The following TAFA1 variants were observed in gnomAD, a reference collection of about 807,000 sequenced individuals.
The protein encoded by TAFA1 is chemokine-like protein TAFA-1.
In TAFA1, 4 loss-of-function variants were observed where a neutral mutation model predicts 18.5. That is an observed-to-expected ratio of 0.22 (90% CI 0.11 to 0.49). The LOEUF (loss-of-function observed/expected upper bound fraction) is 0.49, where lower values mean the gene tolerates loss of function less well. TAFA1 is among the 20% of genes least tolerant of loss of function. The pLI is 0.98. For synonymous variants in TAFA1, 56 were observed against 55.2 expected (o/e 1.01, Z -0.06); for missense variants, 147 against 169.0 (o/e 0.87, Z 0.72).
At chr3:68,326,087 G>A (rs904862649) in intron 2 of TAFA1, among the ~76,000 whole-genome samples, 9 of 152,124 alleles carry the variant, frequency 5.9e-5, no homozygotes, top group Non-Finnish European at 1.3e-4. Flanking sequence ...GCAATTTAAA[G>A]GAAATATTAG....
rs2070656413 is a variant in TAFA1, at chr3:68,408,642, CT to C, written c.119-8635del. 5.9e-5 allele frequency among the ~76,000 whole-genome samples: 9 copies of C among 152,046 alleles called. No homozygotes were observed. In the South Asian group the frequency reaches 1.9e-3, roughly 32 times the overall value. On this transcript the variant is annotated intron_variant, in intron 2 of 4. Transcript: ENST00000478136. ...CTCTCTTTCTTTCCTTCCTTCCTTC[CT>C]TTCATTATTCAGTCATTTAATCATT...
chr3:68,307,683 GA>G (rs1223024079), intron 2 of TAFA1, among the ~76,000 whole-genome samples: 6 of 152,112 alleles, frequency 3.9e-5, no homozygotes, highest in African/African-American at 1.4e-4. Context: ...CAAGGCACTT[GA>G]AAAAACTGGA....
the TAFA1 span, among the ~76,000 whole-genome samples, chr3:67,996,730 C>G: frequency 6.6e-6 from 1 of 151,520 alleles, no homozygotes; most frequent in Non-Finnish European, 1.5e-5. Flanking sequence ...ACTTGGGAGG[C>G]AGAGGTTGCA....
At chr3:68,320,980 C>T (rs954242143) in intron 2 of TAFA1, among the ~76,000 whole-genome samples, 4 of 152,238 alleles carry the variant, frequency 2.6e-5, no homozygotes, top group Non-Finnish European at 4.4e-5. Context: ...ACAGAGTAGA[C>T]GTTTCCACTT....
intron 3 of TAFA1, among the ~76,000 whole-genome samples, chr3:68,427,838 A>T (rs567073823): frequency 2.0e-5 from 3 of 152,046 alleles, no homozygotes; most frequent in African/African-American, 7.2e-5. Context: ...GTGATAGTGA[A>T]TAAGTCTCAT....
At chr3:68,464,269 T>C (rs2071840415) in intron 3 of TAFA1, among the ~76,000 whole-genome samples, 1 of 152,110 alleles carries the variant, frequency 6.6e-6, no homozygotes, top group Admixed American at 6.6e-5. Flanking sequence ...GGACAGTGAA[T>C]GAAAATGCAA....
At chr3:68,289,601 A>G in intron 2 of TAFA1, among the ~76,000 whole-genome samples, 1 of 143,870 alleles carries the variant, frequency 7.0e-6, no homozygotes, top group Non-Finnish European at 1.6e-5. Flanking sequence ...AGGAACATTT[A>G]GAATGTTCTG....
intron 3 of TAFA1, among the ~76,000 whole-genome samples, chr3:68,485,238 T>C (rs919460787): frequency 2.0e-5 from 3 of 152,198 alleles, no homozygotes; most frequent in Admixed American, 6.5e-5. Flanking sequence ...AGGGTAAATG[T>C]TGTCAACCTG....
chr3:68,493,310 A>C (rs974351369), intron 3 of TAFA1, among the ~76,000 whole-genome samples: 14 of 152,124 alleles, frequency 9.2e-5, no homozygotes, highest in Admixed American at 8.5e-4. Context: ...ATGTTGCGGC[A>C]TGGGTTGGAA....
chr3:68,131,691 G>T (rs1575635060), intron 2 of TAFA1, among the ~76,000 whole-genome samples: 1 of 152,210 alleles, frequency 6.6e-6, no homozygotes, highest in Non-Finnish European at 1.5e-5. Context: ...ACAGCCATCA[G>T]CGTTCAAGGC....
At chr3:68,421,648 A>T (rs1481637736) in intron 3 of TAFA1, among the ~76,000 whole-genome samples, 1 of 152,066 alleles carries the variant, frequency 6.6e-6, no homozygotes, top group East Asian at 1.9e-4. Context: ...CAGTTTGCTC[A>T]TCTGTAAAAT....
Position 68,099,655 on chromosome 3 carries a change from C to G in TAFA1, c.118+92911C>G, listed in dbSNP as rs2106814429. 1.3e-5 allele frequency among the ~76,000 whole-genome samples: 2 copies of G among 152,118 alleles called. 1 individual carries two copies. The highest frequency in any genetic ancestry group is 4.2e-4 in the South Asian group (2 of 4,816). On this transcript the variant is annotated intron_variant, in intron 2 of 4. Coordinates refer to ENST00000478136, the MANE Select transcript of TAFA1 (RefSeq NM_213609.4). ...ACAATCCCATTACTAGGTATAGACC[C>G]AAAGGAAGATAAATTGTTCTATGAA...
chr3:68,301,369 T>C (rs1160826299), intron 2 of TAFA1, among the ~76,000 whole-genome samples: 3 of 152,232 alleles, frequency 2.0e-5, no homozygotes, highest in Non-Finnish European at 4.4e-5. Context: ...TTCCTAATTC[T>C]TTTTATAGGT....
intron 2 of TAFA1, among the ~76,000 whole-genome samples, chr3:68,121,323 A>G (rs1158274882): frequency 6.6e-6 from 1 of 151,032 alleles, no homozygotes; most frequent in African/African-American, 2.4e-5. Flanking sequence ...CAGAGCTCCT[A>G]TGAGTTAACT....
At chr3:68,369,068 T>C (rs533928901) in intron 2 of TAFA1, among the ~76,000 whole-genome samples, 1 of 152,338 alleles carries the variant, frequency 6.6e-6, no homozygotes, top group East Asian at 1.9e-4. Context: ...ATAGCCTATA[T>C]TTTGCTATAG....
chr3:68,392,726 T>C (rs2070289500), intron 2 of TAFA1, among the ~76,000 whole-genome samples: 1 of 152,132 alleles, frequency 6.6e-6, no homozygotes, highest in South Asian at 2.1e-4. Flanking sequence ...CTCAACTACA[T>C]GGAAACTGAA....
chr3:68,537,104 G>A (rs2106786223), intron 3 of TAFA1, among the ~76,000 whole-genome samples: 1 of 152,176 alleles, frequency 6.6e-6, no homozygotes, highest in South Asian at 2.1e-4. Context: ...GAAGAGTATT[G>A]AGGCATTTGT....
the TAFA1 span, among the ~76,000 whole-genome samples, chr3:67,991,846 A>G: frequency 7.2e-5 from 11 of 152,180 alleles, no homozygotes; most frequent in Admixed American, 1.3e-4. Context: ...ATGTCTATCT[A>G]TGTCTATATC....
At chr3:68,269,892 C>G (rs139861181) in intron 2 of TAFA1, among the ~76,000 whole-genome samples, 18 of 152,256 alleles carry the variant, frequency 1.2e-4, no homozygotes, top group African/African-American at 4.3e-4. Flanking sequence ...TTATATGACT[C>G]TATGCATGTT....
Sources: gnomAD v4.1 joint callset for allele counts (sites outside exome capture counted in the v4.1 genomes callset) on GRCh38, gnomAD v4.1.1 for gene constraint, MANE v1.5 for transcripts, NCBI Gene and HGNC (gene_info 2026-07-23, HGNC 2026-07-21) for gene names.